Variants in ARMC9 observed in about 807,000 individuals in gnomAD.
ARMC9 encodes lisH domain-containing protein ARMC9.
In ARMC9, 94 loss-of-function variants were observed where a neutral mutation model predicts 107.0. The observed-to-expected ratio is 0.88, with a 90% confidence interval of 0.74 to 1.04. The LOEUF is 1.04. Among genes scored for constraint, ARMC9 ranks in the 50% least tolerant of loss-of-function variants. ARMC9 has a pLI of 0.00. For missense variants in ARMC9, 942 were observed against 1,030.1 expected, an observed-to-expected ratio of 0.91 and a Z score of 1.17; for synonymous variants, 380 against 396.9, an observed-to-expected ratio of 0.96 and a Z score of 0.51.
chr2:231,199,385 G>C (rs1307404235), intron 1 of ARMC9, among the ~76,000 whole-genome samples: 1 of 152,204 alleles, frequency 6.6e-6, no homozygotes. Context: ...TAAGACCAGG[G>C]TGGAGGCAGG....
At chr2:231,271,161 T>TA in intron 13 of ARMC9, 89 bp downstream of exon 13, 1 of 1,262,776 alleles carries the variant, frequency 7.9e-7, no homozygotes, top group South Asian at 1.3e-5. Flanking sequence ...CCAAGTTTCT[T>TA]AGAGATGACG....
chr2:231,262,358 A>T lies in ARMC9; in HGVS notation c.1079A>T (p.Tyr360Phe). 1 of 1,614,156 alleles carries T rather than the reference A, an allele frequency of 6.2e-7. No individual in the cohort carries two copies. Among genetic ancestry groups the T allele is most frequent in the Non-Finnish European group, 8.5e-7 (1 of 1,180,026 alleles). Residue 360 changes from tyrosine to phenylalanine, a missense_variant, in exon 12 of 25, where the codon TAC (tyrosine) becomes TTC (phenylalanine). Physicochemically the swap from Tyr to Phe is conservative, Grantham distance 22. Coordinates refer to ENST00000611582, the MANE Select transcript of ARMC9 (RefSeq NM_001352754.2). ...CAGAGGGAGACCGTTCTGCAAGCCTACATCAGCAATGACCTCTTGGACTGT... is the reference window on the plus strand; with the variant it reads ...CAGAGGGAGACCGTTCTGCAAGCCTTCATCAGCAATGACCTCTTGGACTGT... ...GEQRETVLQA[Y>F]ISNDLLDCYS...
At chr2:231,369,513 C>T (rs947865236) in intron 23 of ARMC9, among the ~76,000 whole-genome samples, 5 of 151,716 alleles carry the variant, frequency 3.3e-5, no homozygotes, top group Non-Finnish European at 7.4e-5. Context: ...AGGCTGGTCT[C>T]GAACTCCTGA....
intron 21 of ARMC9, among the ~76,000 whole-genome samples, chr2:231,354,376 A>ATTTTTT (rs67988812): frequency 1.1e-4 from 7 of 66,636 alleles, no homozygotes; most frequent in African/African-American, 2.8e-4. Context: ...AGCCATGTGA[A>ATTTTTT]TTTTTTTTTT....
chr2:231,230,229 G>A lies in ARMC9; in HGVS notation c.622+3431G>A, dbSNP rs143090643. On this transcript the variant is annotated intron_variant, in intron 7 of 24. Coordinates refer to ENST00000611582, the MANE Select transcript of ARMC9 (RefSeq NM_001352754.2). ...CTAAAAAAAATTAACCGAGCGTGGC[G>A]ACGTACATCTGAAGTCCCAGCTACT... is the stretch of plus-strand genomic sequence containing the variant. Among the ~76,000 whole-genome samples the A allele has an allele frequency of 3.1e-4, 47 of 152,018 alleles. 1 individual carries two copies. Among genetic ancestry groups the A allele is most frequent in the Admixed American group, 1.4e-3 (21 of 15,246 alleles).
At position 231,249,822 on chromosome 2, in the gene ARMC9, C is replaced by T. The variant is rs145628433; in HGVS notation, c.880-6764C>T. 1.7e-3 allele frequency among the ~76,000 whole-genome samples: 251 copies of T among 149,984 alleles called. 2 individuals carry two copies. Among genetic ancestry groups the T allele is most frequent in the Admixed American group, 5.1e-3 (77 of 15,118 alleles). ...TACCACCCACCCGTGCACACCTCCA[C>T]GGGAGGGAGACCACCGCCCACCCGT... On this transcript the variant is annotated intron_variant, in intron 9 of 24. Coordinates refer to ENST00000611582, the MANE Select transcript of ARMC9 (RefSeq NM_001352754.2).
At chr2:231,273,732 G>C (rs940658459) in intron 14 of ARMC9, among the ~76,000 whole-genome samples, 1 of 152,046 alleles carries the variant, frequency 6.6e-6, no homozygotes, top group Non-Finnish European at 1.5e-5. Context: ...TTCCTTTTTA[G>C]TTTACAGTTT....
chr2:231,201,205 A>C (rs2030889436), intron 1 of ARMC9, among the ~76,000 whole-genome samples: 3 of 152,144 alleles, frequency 2.0e-5, no homozygotes, highest in Non-Finnish European at 2.9e-5. Context: ...GGTGTGGTGC[A>C]TGGGGAGGTG....
intron 9 of ARMC9, among the ~76,000 whole-genome samples, chr2:231,247,746 C>G (rs1457382604): frequency 6.6e-6 from 1 of 152,102 alleles, no homozygotes; most frequent in Non-Finnish European, 1.5e-5. Flanking sequence ...GCCTGGCCAG[C>G]ATGACAAAAC....
intron 11 of ARMC9, 86 bp downstream of exon 11, chr2:231,259,188 C>A: frequency 1.7e-6 from 2 of 1,154,496 alleles, no homozygotes; most frequent in Non-Finnish European, 1.2e-6. Context: ...ATCTTTTAAC[C>A]CATCTTCCAG....
At chr2:231,242,089 A>G (rs1166802275) in intron 9 of ARMC9, among the ~76,000 whole-genome samples, 1 of 151,864 alleles carries the variant, frequency 6.6e-6, no homozygotes. Flanking sequence ...AAAGTTTTCT[A>G]CCCTTCAGGC....
intron 9 of ARMC9, 117 bp downstream of exon 9, chr2:231,240,158 T>C: frequency 1.1e-6 from 1 of 891,274 alleles, no homozygotes; most frequent in East Asian, 2.7e-5. Context: ...TTAAGCTGGC[T>C]TTTGAAGTCT....
intron 3 of ARMC9, among the ~76,000 whole-genome samples, chr2:231,213,481 G>GT (rs112510839): frequency 0.024 from 3,296 of 139,380 alleles, 100 homozygotes; most frequent in African/African-American, 0.074. Flanking sequence ...CACTTTTTTG[G>GT]TTTTTTTTTT....
At chr2:231,207,484 CT>C (rs987901052) in intron 2 of ARMC9, among the ~76,000 whole-genome samples, 3 of 146,324 alleles carry the variant, frequency 2.1e-5, no homozygotes, top group Admixed American at 1.4e-4. Context: ...TTTTTTTTTT[CT>C]TTTTTTTTGA....
chr2:231,288,655 C>G (rs756662553), intron 17 of ARMC9: 4 of 471,218 alleles, frequency 8.5e-6, no homozygotes, highest in South Asian at 4.6e-5. Flanking sequence ...TTTAATCCCT[C>G]AAAGGTCCCC....
At position 231,215,017 on chromosome 2, in the gene ARMC9, G is replaced by A. The variant is rs748884849; in HGVS notation, c.348+16G>A. On this transcript the variant is annotated intron_variant, in intron 4 of 24. Transcript: ENST00000611582. ...GGGGAGACCGGTGGGTTTACCTGGTGATGCGGGTGGGTCTGAGTGGTGTGT... is the reference window on the plus strand; with the variant it reads ...GGGGAGACCGGTGGGTTTACCTGGTAATGCGGGTGGGTCTGAGTGGTGTGT... 17 of 1,613,340 alleles carry A rather than the reference G, an allele frequency of 1.1e-5. No individual in the cohort carries two copies. In the South Asian group the frequency reaches 1.8e-4, roughly 17 times the overall value.
chr2:231,357,751 T>C (rs895102760), intron 22 of ARMC9, among the ~76,000 whole-genome samples: 1 of 152,124 alleles, frequency 6.6e-6, no homozygotes, highest in Non-Finnish European at 1.5e-5. Flanking sequence ...GTTTTCTATT[T>C]TTTGTAAAGA....
chr2:231,313,870 T>G (rs562297761), intron 19 of ARMC9, among the ~76,000 whole-genome samples: 34 of 151,240 alleles, frequency 2.2e-4, no homozygotes, highest in Non-Finnish European at 4.3e-4. Flanking sequence ...TCCTACCACC[T>G]CAGCCTCCTT....
intron 16 of ARMC9, among the ~76,000 whole-genome samples, chr2:231,279,895 C>A (rs2040073865): frequency 6.6e-6 from 1 of 152,172 alleles, no homozygotes; most frequent in Admixed American, 6.5e-5. Context: ...ATTGGTGTGA[C>A]TTCTTTAGCA....
Sources: gnomAD v4.1 joint callset for allele counts (sites outside exome capture counted in the v4.1 genomes callset) on GRCh38, gnomAD v4.1.1 for gene constraint, MANE v1.5 for transcripts, NCBI Gene and HGNC (gene_info 2026-07-23, HGNC 2026-07-21) for gene names.